CYB5B: variants seen among roughly 807,000 people sequenced by gnomAD.
The protein encoded by CYB5B is cytochrome b5 type B (outer mitochondrial membrane).
A neutral mutation model predicts 21.3 loss-of-function variants in CYB5B; 14 were observed. That is an observed-to-expected ratio of 0.66 (90% CI 0.43 to 1.03). CYB5B has a LOEUF of 1.03. Ranked by LOEUF, CYB5B falls within the 50% of genes least tolerant of loss-of-function variation. The pLI is 0.00. For synonymous variants in CYB5B, 69 were observed against 68.4 expected, an observed-to-expected ratio of 1.01 and a Z score of -0.04; for missense variants, 166 against 185.1, an observed-to-expected ratio of 0.90 and a Z score of 0.60.
At chr16:69,427,873 G>A (rs1000251785) in intron 1 of CYB5B, among the ~76,000 whole-genome samples, 6 of 151,544 alleles carry the variant, frequency 4.0e-5, no homozygotes, top group Admixed American at 2.0e-4. Context: ...GCACACACCC[G>A]TAATCCCAGC....
intron 1 of CYB5B, among the ~76,000 whole-genome samples, chr16:69,432,185 A>G (rs754810374): frequency 6.6e-6 from 1 of 152,182 alleles, no homozygotes; most frequent in Non-Finnish European, 1.5e-5. Context: ...AAGGTAATAG[A>G]AAACCACTGA....
chr16:69,460,824 G>A (rs1374490890), intron 4 of CYB5B, among the ~76,000 whole-genome samples: 2 of 152,048 alleles, frequency 1.3e-5, no homozygotes, highest in Non-Finnish European at 2.9e-5. Flanking sequence ...TAAAAATAAA[G>A]GAATCACAAA....
chr16:69,462,741 A>G lies in CYB5B; in HGVS notation c.*221A>G, dbSNP rs915012822. The G allele has an allele frequency of 1.8e-5, 9 of 500,072 alleles. No individual in the cohort carries two copies. The highest frequency in any genetic ancestry group is 2.9e-5 in the Non-Finnish European group (8 of 275,532). 31.0% of individuals were successfully genotyped at this position (500,072 alleles called of 1,614,324 possible). A position where few individuals can be genotyped will look rare whatever the true frequency, so the allele number is the denominator to read the frequency against. On this transcript the variant is annotated 3_prime_UTR_variant, in exon 5 of 5. Transcript: ENST00000307892. Reference sequence around the variant, plus strand: ...CCTGCTCACTGTTCCGTGTTGAACAATTGCCGGTGTTTCCTCTCTTCACTG... The same window carrying G: ...CCTGCTCACTGTTCCGTGTTGAACAGTTGCCGGTGTTTCCTCTCTTCACTG...
At chr16:69,439,011 C>CT (rs751542236) in intron 1 of CYB5B, among the ~76,000 whole-genome samples, 10 of 151,980 alleles carry the variant, frequency 6.6e-5, no homozygotes, top group African/African-American at 2.4e-4. Flanking sequence ...GGTATCATAT[C>CT]TAAGAATCCA....
At chr16:69,445,141 T>C (rs960498885) in intron 1 of CYB5B, among the ~76,000 whole-genome samples, 2 of 152,230 alleles carry the variant, frequency 1.3e-5, no homozygotes, top group Non-Finnish European at 2.9e-5. Context: ...AAAAATATCA[T>C]CCATAGTTTA....
chr16:69,437,992 A>G (rs1326143018), intron 1 of CYB5B, among the ~76,000 whole-genome samples: 3 of 152,164 alleles, frequency 2.0e-5, no homozygotes, highest in Admixed American at 6.5e-5. Flanking sequence ...TTGCTGTGCA[A>G]TCATCAGTAC....
intron 1 of CYB5B, among the ~76,000 whole-genome samples, chr16:69,446,474 C>T (rs2014879624): frequency 6.6e-6 from 1 of 152,140 alleles, no homozygotes; most frequent in Non-Finnish European, 1.5e-5. Flanking sequence ...CAGGCACCCA[C>T]CACCACCATG....
intron 1 of CYB5B, among the ~76,000 whole-genome samples, chr16:69,444,503 C>T (rs942621753): frequency 6.6e-6 from 1 of 152,160 alleles, no homozygotes; most frequent in African/African-American, 2.4e-5. Flanking sequence ...ATTTGATTTT[C>T]GCTAACTCTA....
chr16:69,462,420 CT>C lies in CYB5B; in HGVS notation c.363-9del. 2 of 1,604,794 alleles carry C rather than the reference CT, an allele frequency of 1.2e-6. No individual in the cohort carries two copies. On this transcript the variant is annotated splice_polypyrimidine_tract_variant and intron_variant, in intron 4 of 4. Coordinates refer to ENST00000307892, the MANE Select transcript of CYB5B (RefSeq NM_030579.3). Reference sequence around the variant, plus strand: ...TTAACAACTTTATTGCTTTCTCCCCCTATTCCTAGTTGCTGGGCATATTGGA... The same window carrying C: ...TTAACAACTTTATTGCTTTCTCCCCCATTCCTAGTTGCTGGGCATATTGGA...
intron 1 of CYB5B, among the ~76,000 whole-genome samples, chr16:69,436,547 C>G (rs528661369): frequency 1.1e-4 from 16 of 152,204 alleles, no homozygotes; most frequent in Non-Finnish European, 2.2e-4. Flanking sequence ...GTTCACCCCC[C>G]AGGTCTGTTA....
chr16:69,434,001 A>C (rs763356391), intron 1 of CYB5B, among the ~76,000 whole-genome samples: 77 of 152,352 alleles, frequency 5.1e-4, no homozygotes, highest in Non-Finnish European at 1.1e-3. Flanking sequence ...TGCAATAAAA[A>C]TATGGTATTA....
intron 1 of CYB5B, among the ~76,000 whole-genome samples, chr16:69,430,673 CTT>C (rs35661961): frequency 2.4e-3 from 309 of 127,566 alleles, no homozygotes; most frequent in Middle Eastern, 8.0e-3. Context: ...TATTTTAAAA[CTT>C]TTTTTTTTTT....
chr16:69,448,188 T>C (rs1204228002), intron 3 of CYB5B, 44 bp downstream of exon 3: 4 of 1,605,312 alleles, frequency 2.5e-6, no homozygotes, highest in Non-Finnish European at 3.4e-6. Flanking sequence ...TTGTGTTTAC[T>C]CAAGTAGGAC....
intron 1 of CYB5B, among the ~76,000 whole-genome samples, chr16:69,441,153 CTTTTT>C (rs533158390): frequency 3.0e-5 from 4 of 133,314 alleles, no homozygotes; most frequent in African/African-American, 8.5e-5. Flanking sequence ...TTACTTCTCT[CTTTTT>C]TTTTTTTTTT....
chr16:69,464,354 A>T lies in CYB5B; in HGVS notation c.*1834A>T, dbSNP rs551405437. On this transcript the variant is annotated 3_prime_UTR_variant, in exon 5 of 5. Transcript: ENST00000307892. Reference sequence around the variant, plus strand: ...TATCTTTAGAAAAATGTTTGTATGCATTATAAGATGCTACTTTTAAGACAA... The same window carrying T: ...TATCTTTAGAAAAATGTTTGTATGCTTTATAAGATGCTACTTTTAAGACAA... The T allele has an allele frequency of 5.3e-4, 80 of 152,308 alleles. No individual in the cohort carries two copies. Among genetic ancestry groups the T allele is most frequent in the African/African-American group, 1.4e-3 (58 of 41,570 alleles). The allele number at this position is 152,308 out of a possible 1,614,324, so 9.4% of individuals were successfully genotyped here.
chr16:69,459,243 C>G, intron 4 of CYB5B, 122 bp downstream of exon 4: 1 of 1,242,320 alleles, frequency 8.0e-7, no homozygotes. Context: ...CTTTTTTGGC[C>G]CAAATCATTG....
intron 3 of CYB5B, among the ~76,000 whole-genome samples, chr16:69,454,166 G>T (rs552471249): frequency 6.6e-6 from 1 of 152,074 alleles, no homozygotes; most frequent in Non-Finnish European, 1.5e-5. Context: ...TCTTGAGTGA[G>T]GTGTTATATA....
chr16:69,426,315 C>A (rs1346077539), intron 1 of CYB5B, among the ~76,000 whole-genome samples: 1 of 150,702 alleles, frequency 6.6e-6, no homozygotes, highest in Non-Finnish European at 1.5e-5. Flanking sequence ...AGGAGAATGG[C>A]GTGAACCCGG....
rs1200175307 is a variant in CYB5B, at chr16:69,465,698, A to C, written c.*3178A>C. 1 of 152,196 alleles carries C rather than the reference A, an allele frequency of 6.6e-6. No homozygotes were observed. The highest frequency in any genetic ancestry group is 2.4e-5 in the African/African-American group (1 of 41,448). The allele number at this position is 152,196 out of a possible 1,614,324, so 9.4% of individuals were successfully genotyped here. A position where few individuals can be genotyped will look rare whatever the true frequency, so the allele number is the denominator to read the frequency against. ...TGCTTTAAAATCTCAAGCGATATCT[A>C]TCTGGTTAAATTCCATTTTAGGAGA... On this transcript the variant is annotated 3_prime_UTR_variant, in exon 5 of 5. Transcript: ENST00000307892.
Sources: allele counts gnomAD v4.1 joint callset (sites outside exome capture counted in the v4.1 genomes callset), GRCh38; gene constraint gnomAD v4.1.1; transcripts MANE v1.5; gene names NCBI Gene and HGNC (gene_info 2026-07-23, HGNC 2026-07-21).